The following DEPDC4 variants were observed in gnomAD, a reference collection of about 807,000 sequenced individuals.
The protein encoded by DEPDC4 is DEP domain-containing protein 4.
Under a neutral mutation model 52.0 loss-of-function variants are expected in DEPDC4, and 52 were observed. The ratio of observed to expected loss-of-function variants is 1.00; its 90% CI spans 0.80 to 1.26. DEPDC4 has a LOEUF of 1.26. Among genes scored for constraint, DEPDC4 ranks in the 50% most tolerant of loss-of-function variants. The pLI, the probability that DEPDC4 is intolerant of heterozygous loss-of-function variation, is 0.00. For missense variants in DEPDC4, 530 were observed against 546.9 expected, an observed-to-expected ratio of 0.97 and a Z score of 0.31; for synonymous variants, 201 against 196.8, an observed-to-expected ratio of 1.02 and a Z score of -0.18.
intron 1 of DEPDC4, among the ~76,000 whole-genome samples, chr12:100,266,574 G>C (rs1003919719): frequency 1.3e-5 from 2 of 152,190 alleles, no homozygotes; most frequent in African/African-American, 4.8e-5. Context: ...GTGTAGCCTA[G>C]GGACCAGCAG....
chr12:100,236,954 TTC>T (rs528067067), downstream of DEPDC4, among the ~76,000 whole-genome samples: 129 of 152,222 alleles, frequency 8.5e-4, no homozygotes, highest in African/African-American at 1.8e-3. Context: ...TTTCCCCACT[TTC>T]TGTTTTTGTT....
chr12:100,259,071 A>C (rs1176858049), intron 3 of DEPDC4, among the ~76,000 whole-genome samples: 1 of 122,978 alleles, frequency 8.1e-6, no homozygotes, highest in Admixed American at 9.5e-5. Flanking sequence ...AATCTGTCTC[A>C]AAAAAAAAAA....
chr12:100,268,042 A>G (rs905735243), upstream of DEPDC4, among the ~76,000 whole-genome samples: 2 of 152,300 alleles, frequency 1.3e-5, no homozygotes, highest in Middle Eastern at 3.4e-3. Context: ...GCAAAAACTT[A>G]TTGGACTTTG....
At chr12:100,267,168 A>T, upstream of DEPDC4, 1 of 1,397,074 alleles carries the variant, frequency 7.2e-7, no homozygotes. Flanking sequence ...CCCGGCCGGC[A>T]GGTCTTTTAG....
At chr12:100,264,547 C>A (rs2096265045) in intron 1 of DEPDC4, among the ~76,000 whole-genome samples, 1 of 152,010 alleles carries the variant, frequency 6.6e-6, no homozygotes, top group African/African-American at 2.4e-5. Context: ...AGCGTGGTGG[C>A]ATGCGCCTGT....
chr12:100,235,101 A>C (rs535033691), downstream of DEPDC4, among the ~76,000 whole-genome samples: 25 of 152,116 alleles, frequency 1.6e-4, no homozygotes, highest in South Asian at 5.2e-3. Flanking sequence ...ACATATACAT[A>C]TATATGTACA....
chr12:100,243,488 C>T (rs1273762909), intron 8 of DEPDC4, among the ~76,000 whole-genome samples: 1 of 152,148 alleles, frequency 6.6e-6, no homozygotes, highest in Non-Finnish European at 1.5e-5. Context: ...TAGTATCCCC[C>T]AACTTCCTAC....
intron 9 of DEPDC4, among the ~76,000 whole-genome samples, chr12:100,234,255 C>G (rs2153902802): frequency 6.6e-6 from 1 of 152,190 alleles, no homozygotes; most frequent in East Asian, 1.9e-4. Context: ...ATTTTGCAGT[C>G]AGAGAGAGAT....
At chr12:100,261,324 A>G (rs1319402989) in intron 3 of DEPDC4, among the ~76,000 whole-genome samples, 5 of 152,086 alleles carry the variant, frequency 3.3e-5, no homozygotes, top group African/African-American at 1.2e-4. Flanking sequence ...AGTCATAGCT[A>G]GTCTTGCTTC....
intron 7 of DEPDC4, among the ~76,000 whole-genome samples, chr12:100,249,238 C>A (rs1200096255): frequency 6.6e-6 from 1 of 152,038 alleles, no homozygotes; most frequent in African/African-American, 2.4e-5. Flanking sequence ...GAAATGTTCT[C>A]CTATAACAAT....
At position 100,256,118 on chromosome 12, in the gene DEPDC4, T is replaced by A. The variant is rs561521348; in HGVS notation, c.809A>T (p.Lys270Ile). The change falls in exon 4 of 10, where the codon AAA (lysine) becomes ATA (isoleucine). Residue 270 changes from lysine to isoleucine, a missense_variant. By Grantham distance (102) the Lys-to-Ile change is moderately radical (BLOSUM62 -3). Coordinates refer to ENST00000550587, the MANE Select transcript of DEPDC4 (RefSeq NM_001364818.2). Reference protein sequence around the residue: ...PVKTQNLQLNKEEDLVITNTC... With the variant: ...PVKTQNLQLNIEEDLVITNTC... Reference sequence around the variant, plus strand: ...GTTAGTGATAACAAGATCTTCCTCTTTGTTTAGTTGAAGATTTTGTGTTTT... The same window carrying A: ...GTTAGTGATAACAAGATCTTCCTCTATGTTTAGTTGAAGATTTTGTGTTTT... 1.2e-6 allele frequency: 2 copies of A among 1,613,174 alleles called. No homozygotes were observed. The highest frequency in any genetic ancestry group is 4.5e-5 in the East Asian group (2 of 44,726).
intron 1 of DEPDC4, among the ~76,000 whole-genome samples, chr12:100,266,161 G>A: frequency 6.6e-6 from 1 of 150,784 alleles, no homozygotes; most frequent in East Asian, 1.9e-4. Context: ...AGATTTGCAG[G>A]GGGAAGTGGG....
chr12:100,279,983 A>T, the DEPDC4 span, among the ~76,000 whole-genome samples: 1 of 152,236 alleles, frequency 6.6e-6, no homozygotes. Context: ...CTTGAATGCC[A>T]GTTTGTCCCT....
rs1037950117 is a variant in DEPDC4, at chr12:100,266,985, C to T, written c.92G>A (p.Gly31Asp). The T allele has an allele frequency of 6.2e-7, 1 of 1,614,120 alleles. No homozygotes were observed. Among genetic ancestry groups the T allele is most frequent in the Non-Finnish European group, 8.5e-7 (1 of 1,179,998 alleles). The change falls in exon 1 of 10, where the codon GGC becomes GAC. Residue 31 changes from glycine (G) to aspartate (D), a missense_variant. Physicochemically the swap from Gly to Asp is moderately conservative, Grantham distance 94 (BLOSUM62 -1). Coordinates refer to ENST00000550587, the MANE Select transcript of DEPDC4 (RefSeq NM_001364818.2). ...RRLVSQNELP[G>D]PGLNGPSSRN... ...GGAACTTGGCCCGTTCAGCCCTGGG[C>T]CCGGAAGCTCGTTCTGACTGACAAG... is the stretch of plus-strand genomic sequence containing the variant.
the DEPDC4 span, among the ~76,000 whole-genome samples, chr12:100,280,305 A>G: frequency 6.6e-6 from 1 of 152,228 alleles, no homozygotes; most frequent in South Asian, 2.1e-4. Context: ...TTTTGAAATA[A>G]TTGTAATAAC....
intron 9 of DEPDC4, 39 bp from the exon 10 acceptor site, chr12:100,241,884 A>C (rs34712149): frequency 8.6e-7 from 1 of 1,159,130 alleles, no homozygotes; most frequent in Non-Finnish European, 1.1e-6. Context: ...AAAGAAAAGT[A>C]CCACTGGAAA....
downstream of DEPDC4, among the ~76,000 whole-genome samples, chr12:100,237,197 TTTTC>T (rs1447177947): frequency 9.8e-5 from 14 of 142,712 alleles, no homozygotes; most frequent in Non-Finnish European, 4.5e-5. Context: ...AATTTTAGGA[TTTTC>T]TTTTTCTTTT....
At position 100,263,784 on chromosome 12, in the gene DEPDC4, G is replaced by A. The variant is rs375462932; in HGVS notation, c.267C>T (p.Asp89=). The change falls in exon 2 of 10, where the codon GAC becomes GAT. Residue 89 remains aspartate (D), a synonymous_variant. Transcript: ENST00000550587. ...CGACAGCATCAGAACCAGTGAAACA[G>A]TCTTTGTATGTCTGTAAATGATGCC... ...RRRHHLQTYK[D]CFTGSDAVDV... 3.1e-6 allele frequency: 5 copies of A among 1,614,028 alleles called. No homozygotes were observed. In the African/African-American group the frequency reaches 6.7e-5, roughly 22 times the overall value.
chr12:100,274,111 C>T, the DEPDC4 span, among the ~76,000 whole-genome samples: 1 of 152,166 alleles, frequency 6.6e-6, no homozygotes, highest in South Asian at 2.1e-4. Context: ...GAAAGTCAGT[C>T]TCCATTTCCA....
Sources: allele counts gnomAD v4.1 joint callset (sites outside exome capture counted in the v4.1 genomes callset), GRCh38; gene constraint gnomAD v4.1.1; transcripts MANE v1.5; gene names NCBI Gene and HGNC (gene_info 2026-07-23, HGNC 2026-07-21).